The following BUB1 variants were observed in gnomAD, a reference collection of about 807,000 sequenced individuals.
BUB1 encodes the protein BUB1 mitotic checkpoint serine/threonine kinase, also known as mitotic checkpoint serine/threonine-protein kinase BUB1.
In BUB1, 84 loss-of-function variants were observed where a neutral mutation model predicts 135.2. The ratio of observed to expected loss-of-function variants is 0.62; its 90% CI spans 0.52 to 0.74. BUB1 has a LOEUF of 0.74. BUB1 is among the 30% of genes least tolerant of loss of function. The pLI is 0.00. For synonymous variants in BUB1, 403 were observed against 434.4 expected (o/e 0.93, Z 0.90); for missense variants, 1,162 against 1,288.3 (o/e 0.90, Z 1.50).
At chr2:110,661,486 A>G in intron 10 of BUB1, 96 bp downstream of exon 10, 1 of 1,412,622 alleles carries the variant, frequency 7.1e-7, no homozygotes, top group Non-Finnish European at 9.5e-7. Flanking sequence ...GACATCATTC[A>G]TCTTTTACAT....
At chr2:110,672,606 C>A (rs1421775872) in intron 4 of BUB1, 55 bp downstream of exon 4, 2 of 1,493,462 alleles carry the variant, frequency 1.3e-6, no homozygotes, top group Non-Finnish European at 1.8e-6. Flanking sequence ...TTTTTAACAG[C>A]AAACATTACT....
intron 13 of BUB1, 107 bp from the exon 14 acceptor site, chr2:110,657,752 GAACT>G (rs1689971362): frequency 1.3e-6 from 1 of 750,588 alleles, no homozygotes; most frequent in Non-Finnish European, 2.1e-6. Context: ...TGACAGAAAA[GAACT>G]AATATCAGCT....
intron 7 of BUB1, 31 bp from the exon 8 acceptor site, chr2:110,667,736 C>G (rs1263561474): frequency 6.2e-7 from 1 of 1,608,564 alleles, no homozygotes. Flanking sequence ...TTATTTACAA[C>G]AATGTACCTA....
intron 18 of BUB1, 82 bp from the exon 19 acceptor site, chr2:110,649,459 T>C: frequency 7.8e-7 from 1 of 1,274,058 alleles, no homozygotes; most frequent in South Asian, 1.7e-5. Flanking sequence ...ATAGACAAAG[T>C]GAGTAGAGAT....
At chr2:110,657,004 A>T in intron 15 of BUB1, 32 bp downstream of exon 15, 1 of 1,562,870 alleles carries the variant, frequency 6.4e-7, no homozygotes, top group South Asian at 1.1e-5. Context: ...GGGTTGTAGG[A>T]CCCATTTCAT....
intron 16 of BUB1, 89 bp downstream of exon 16, chr2:110,655,649 TG>T (rs1227047289): frequency 6.5e-6 from 8 of 1,232,524 alleles, no homozygotes; most frequent in African/African-American, 1.5e-5. Flanking sequence ...GGAATTTCCA[TG>T]AAGAAAACTA....
chr2:110,670,658 T>C (rs925034930), intron 4 of BUB1, 90 bp from the exon 5 acceptor site: 3 of 1,327,514 alleles, frequency 2.3e-6, no homozygotes, highest in Non-Finnish European at 3.2e-6. Context: ...AGACAACTTA[T>C]TATAAGCTAG....
At chr2:110,663,038 T>C (rs1389732455) in intron 9 of BUB1, among the ~76,000 whole-genome samples, 1 of 152,018 alleles carries the variant, frequency 6.6e-6, no homozygotes, top group Non-Finnish European at 1.5e-5. Context: ...CATAAGAAAG[T>C]TGGAGGCCGA....
chr2:110,662,014 A>C, intron 9 of BUB1, 173 bp from the exon 10 acceptor site: 1 of 708,648 alleles, frequency 1.4e-6, no homozygotes, highest in Non-Finnish European at 2.3e-6. Flanking sequence ...CAACAACAAA[A>C]AGACCACTCT....
At chr2:110,644,058 CAAAAAAAAAAA>C (rs58393999) in intron 19 of BUB1, among the ~76,000 whole-genome samples, 14 of 39,690 alleles carry the variant, frequency 3.5e-4, no homozygotes, top group Non-Finnish European at 1.7e-4. Context: ...AACTGAAATG[CAAAAAAAAAAA>C]AAAAAAAAAA....
At chr2:110,657,987 C>T (rs1395282586) in intron 13 of BUB1, among the ~76,000 whole-genome samples, 1 of 152,222 alleles carries the variant, frequency 6.6e-6, no homozygotes, top group East Asian at 1.9e-4. Flanking sequence ...CTTAGCTTTA[C>T]ATTTCAAGTC....
At chr2:110,675,487 G>T (rs1433331201) in intron 1 of BUB1, among the ~76,000 whole-genome samples, 1 of 152,108 alleles carries the variant, frequency 6.6e-6, no homozygotes, top group Non-Finnish European at 1.5e-5. Context: ...AGGAAAAGGT[G>T]GGGGTGACAA....
At chr2:110,644,729 T>C (rs1689599586) in intron 19 of BUB1, among the ~76,000 whole-genome samples, 1 of 152,112 alleles carries the variant, frequency 6.6e-6, no homozygotes, top group Admixed American at 6.5e-5. Flanking sequence ...TCAGAAACCA[T>C]GCAAGCAAGA....
chr2:110,653,126 C>T (rs935294331), intron 17 of BUB1, among the ~76,000 whole-genome samples: 8 of 152,270 alleles, frequency 5.3e-5, no homozygotes, highest in African/African-American at 1.9e-4. Context: ...TTCTTAGTTT[C>T]CCAAGACCTT....
chr2:110,660,392 CA>C (rs1401675753), intron 10 of BUB1, among the ~76,000 whole-genome samples: 2 of 150,868 alleles, frequency 1.3e-5, no homozygotes, highest in African/African-American at 2.4e-5. Context: ...AAAAAAAAAA[CA>C]AAACAAAAAA....
Position 110,657,621 on chromosome 2 carries a change from C to G in BUB1, c.1541G>C (p.Trp514Ser). 1 of 1,599,788 alleles carries G rather than the reference C, an allele frequency of 6.3e-7. No homozygotes were observed. The highest frequency in any genetic ancestry group is 8.5e-7 in the Non-Finnish European group (1 of 1,172,462). The change falls in exon 14 of 25, where the codon TGG becomes TCG. Residue 514 changes from tryptophan to serine, a missense_variant. Physicochemically the swap from Trp to Ser is radical, Grantham distance 177. Coordinates refer to ENST00000302759, the MANE Select transcript of BUB1 (RefSeq NM_004336.5). Reference sequence around the variant, plus strand: ...AGAAGAGATGATCTTATTGACTCCCCAAGCCCCAGATGACCTTACATTTTC... The same window carrying G: ...AGAAGAGATGATCTTATTGACTCCCGAAGCCCCAGATGACCTTACATTTTC... Reference protein sequence around the residue: ...FQKNVRSSGAWGVNKIISSLS... With the variant: ...FQKNVRSSGASGVNKIISSLS...
chr2:110,640,996 A>T, intron 23 of BUB1, 38 bp downstream of exon 23: 1 of 1,516,816 alleles, frequency 6.6e-7, no homozygotes, highest in East Asian at 2.3e-5. Context: ...AGCGCAACAC[A>T]GAAAAATATT....
At position 110,650,591 on chromosome 2, in the gene BUB1, C is replaced by T. The variant is rs577463953; in HGVS notation, c.2158G>A (p.Ala720Thr). Residue 720 changes from alanine to threonine, a missense_variant, in exon 18 of 25, where the codon GCA becomes ACA. Physicochemically the swap from Ala to Thr is moderately conservative, Grantham distance 58. Coordinates refer to ENST00000302759, the MANE Select transcript of BUB1 (RefSeq NM_004336.5). ...DPPDAIAGLQ[A>T]EWMQMSSLGT... ...AGTGAACTCATCTGCATCCATTCTG[C>T]TTGGAGCCCAGCAATAGCATCTGGT... is the stretch of plus-strand genomic sequence containing the variant. 17 of 1,613,894 alleles carry T rather than the reference C, an allele frequency of 1.1e-5. No homozygotes were observed. In the South Asian group the frequency reaches 1.9e-4, roughly 18 times the overall value.
intron 6 of BUB1, among the ~76,000 whole-genome samples, chr2:110,668,681 A>G (rs1690335288): frequency 6.6e-6 from 1 of 151,904 alleles, no homozygotes; most frequent in South Asian, 2.1e-4. Flanking sequence ...CCATGGAGGC[A>G]GAAGAGATCT....
Sources: allele counts gnomAD v4.1 joint callset (sites outside exome capture counted in the v4.1 genomes callset), GRCh38; gene constraint gnomAD v4.1.1; transcripts MANE v1.5; gene names NCBI Gene and HGNC (gene_info 2026-07-23, HGNC 2026-07-21).